The following FYN variants were observed in gnomAD, a reference collection of about 807,000 sequenced individuals.
FYN encodes the protein tyrosine-protein kinase Fyn.
In FYN, 10 loss-of-function variants were observed where a neutral mutation model predicts 70.2. That is an observed-to-expected ratio of 0.14 (90% CI 0.09 to 0.24). The LOEUF is 0.24. Among genes scored for constraint, FYN ranks in the 10% least tolerant of loss-of-function variants. The probability of loss-of-function intolerance (pLI) is 1.00; values close to 1 mark genes in which losing one functional copy is unlikely to be tolerated. For missense variants in FYN, 319 were observed against 673.1 expected, an observed-to-expected ratio of 0.47 and a Z score of 5.82; for synonymous variants, 236 against 248.6, an observed-to-expected ratio of 0.95 and a Z score of 0.48.
At chr6:111,806,579 AGGC>A in intron 2 of FYN, among the ~76,000 whole-genome samples, 1 of 152,222 alleles carries the variant, frequency 6.6e-6, no homozygotes, top group Admixed American at 6.5e-5. Flanking sequence ...TATCCTTCTC[AGGC>A]AATTAGCCTC....
intron 12 of FYN, among the ~76,000 whole-genome samples, chr6:111,677,946 T>C (rs1798605217): frequency 1.3e-5 from 2 of 152,190 alleles, no homozygotes; most frequent in Admixed American, 6.5e-5. Flanking sequence ...CAGGTAATGA[T>C]CATCTATGTC....
intron 2 of FYN, among the ~76,000 whole-genome samples, chr6:111,827,463 T>C (rs1225129122): frequency 6.6e-6 from 1 of 152,128 alleles, no homozygotes; most frequent in African/African-American, 2.4e-5. Flanking sequence ...ATGCCCATCT[T>C]TAAGCCAGTG....
chr6:111,673,619 A>ACTGTTTTTTTTTTTT (rs1301768351), intron 13 of FYN, among the ~76,000 whole-genome samples: 6 of 65,006 alleles, frequency 9.2e-5, no homozygotes, highest in African/African-American at 3.1e-4. Flanking sequence ...CGTTTCTATC[A>ACTGTTTTTTTTTTTT]TTGTTTTTTT....
intron 3 of FYN, among the ~76,000 whole-genome samples, chr6:111,731,227 A>G (rs1035097031): frequency 6.6e-6 from 1 of 152,240 alleles, no homozygotes; most frequent in Admixed American, 6.5e-5. Flanking sequence ...CATCCTTTCA[A>G]AAACAGTGCA....
chr6:111,786,061 AATT>A (rs1243575255), intron 2 of FYN, among the ~76,000 whole-genome samples: 1 of 145,676 alleles, frequency 6.9e-6, no homozygotes, highest in Non-Finnish European at 1.5e-5. Context: ...TTTTATTTTA[AATT>A]ATTTTTTTAT....
chr6:111,846,687 TACAAACCACCC>T (rs1400609306), intron 1 of FYN, 58 bp from the exon 2 acceptor site: 1 of 398,692 alleles, frequency 2.5e-6, no homozygotes, highest in East Asian at 3.6e-5. Flanking sequence ...ACTCTCTGCC[TACAAACCACCC>T]ACAAAGCACC....
intron 12 of FYN, among the ~76,000 whole-genome samples, chr6:111,692,613 C>T (rs903747428): frequency 2.0e-5 from 3 of 152,204 alleles, no homozygotes; most frequent in African/African-American, 7.2e-5. Flanking sequence ...GAGCGTTAAC[C>T]ACAAACCCTG....
At position 111,699,755 on chromosome 6, in the gene FYN, C is replaced by T. The variant is rs535491894; in HGVS notation, c.862+349G>A. The stretch of plus-strand genomic sequence containing the variant: ...ACTAGGAAAGATGGAAGGTGACTTG[C>T]CCGTTAGGATGACACTCAACAAATA... On this transcript the variant is annotated intron_variant, in intron 9 of 13. Transcript: ENST00000354650. 2.1e-5 allele frequency: 28 copies of T among 1,306,750 alleles called. No individual in the cohort carries two copies. The South Asian group carries it at 4.1e-4, about 19-fold the overall frequency. 80.9% of individuals were successfully genotyped at this position (1,306,750 alleles called of 1,614,324 possible).
chr6:111,811,922 T>C (rs775679674), intron 2 of FYN, among the ~76,000 whole-genome samples: 1 of 152,086 alleles, frequency 6.6e-6, no homozygotes, highest in Non-Finnish European at 1.5e-5. Flanking sequence ...TCTCCAGGCA[T>C]CACAGGTATA....
At chr6:111,742,343 T>C (rs79875764) in intron 3 of FYN, among the ~76,000 whole-genome samples, 5,679 of 152,274 alleles carry the variant, frequency 0.037, 157 homozygotes, top group East Asian at 0.13. Context: ...AATCAACATC[T>C]TCCAGTGTAG....
intron 3 of FYN, among the ~76,000 whole-genome samples, chr6:111,752,043 T>G (rs1802513195): frequency 6.6e-6 from 1 of 152,186 alleles, no homozygotes; most frequent in East Asian, 1.9e-4. Flanking sequence ...ATATAAGACT[T>G]TATTTTATAA....
At chr6:111,810,521 T>C (rs1481456443) in intron 2 of FYN, among the ~76,000 whole-genome samples, 1 of 152,228 alleles carries the variant, frequency 6.6e-6, no homozygotes, top group African/African-American at 2.4e-5. Context: ...CGGCCCTGTT[T>C]CATCCCAAGT....
chr6:111,733,978 T>A (rs922793182), intron 3 of FYN, among the ~76,000 whole-genome samples: 3 of 152,088 alleles, frequency 2.0e-5, no homozygotes, highest in Admixed American at 2.0e-4. Flanking sequence ...TCTCAGTTAC[T>A]TGGGGGGCTG....
At chr6:111,797,216 G>A (rs1364809072) in intron 2 of FYN, among the ~76,000 whole-genome samples, 1 of 152,120 alleles carries the variant, frequency 6.6e-6, no homozygotes, top group East Asian at 1.9e-4. Flanking sequence ...AAATCAAATG[G>A]GAAACTAGTA....
At chr6:111,833,518 C>T (rs1024133921) in intron 2 of FYN, among the ~76,000 whole-genome samples, 3 of 152,172 alleles carry the variant, frequency 2.0e-5, no homozygotes, top group Admixed American at 1.3e-4. Flanking sequence ...TGAGTGAAAA[C>T]AGAGAGAAAC....
At chr6:111,845,095 C>A (rs888627662) in intron 2 of FYN, among the ~76,000 whole-genome samples, 3 of 152,374 alleles carry the variant, frequency 2.0e-5, no homozygotes, top group Non-Finnish European at 2.9e-5. Context: ...GACTGGGAAC[C>A]CAGATGAATG....
At chr6:111,751,144 C>G (rs1430480220) in intron 3 of FYN, among the ~76,000 whole-genome samples, 1 of 152,188 alleles carries the variant, frequency 6.6e-6, no homozygotes, top group African/African-American at 2.4e-5. Context: ...TCATTCCCAA[C>G]TATTTTACTA....
intron 5 of FYN, among the ~76,000 whole-genome samples, chr6:111,713,122 C>G (rs1015969869): frequency 6.6e-6 from 1 of 152,134 alleles, no homozygotes; most frequent in African/African-American, 2.4e-5. Context: ...CGAAGAGAGT[C>G]GTTGGCCCTT....
intron 12 of FYN, among the ~76,000 whole-genome samples, chr6:111,687,233 G>A (rs999854835): frequency 6.6e-6 from 1 of 152,052 alleles, no homozygotes; most frequent in African/African-American, 2.4e-5. Flanking sequence ...GTAATTCTTC[G>A]TAGTCTAATT....
Sources: allele counts gnomAD v4.1 joint callset (sites outside exome capture counted in the v4.1 genomes callset), GRCh38; gene constraint gnomAD v4.1.1; transcripts MANE v1.5; gene names NCBI Gene and HGNC (gene_info 2026-07-23, HGNC 2026-07-21).